Variants in SYT1 observed in about 807,000 individuals in gnomAD.
SYT1 encodes the protein synaptotagmin-1.
A neutral mutation model predicts 44.8 loss-of-function variants in SYT1; 8 were observed. The observed-to-expected ratio is 0.18, with a 90% confidence interval of 0.10 to 0.32. The LOEUF (loss-of-function observed/expected upper bound fraction) is 0.32. SYT1 is among the 10% of genes least tolerant of loss of function. The pLI is 1.00. For missense variants in SYT1, 286 were observed against 509.3 expected (o/e 0.56, Z 4.22); for synonymous variants, 154 against 188.8 (o/e 0.82, Z 1.51).
chr12:79,348,124 T>C (rs1882687732), intron 8 of SYT1, among the ~76,000 whole-genome samples: 1 of 152,132 alleles, frequency 6.6e-6, no homozygotes, highest in Non-Finnish European at 1.5e-5. Context: ...AAGGAACAGA[T>C]GTTATTCTAA....
intron 3 of SYT1, among the ~76,000 whole-genome samples, chr12:79,191,122 C>T (rs1873097397): frequency 6.6e-6 from 1 of 151,238 alleles, no homozygotes; most frequent in South Asian, 2.1e-4. Context: ...TGTATAAACT[C>T]TTTGCTCCAT....
chr12:79,064,992 GAAAGAAAA>G (rs1875725985), intron 3 of SYT1, among the ~76,000 whole-genome samples: 1 of 137,926 alleles, frequency 7.3e-6, no homozygotes, highest in African/African-American at 2.7e-5. Flanking sequence ...AAGAAAGAAA[GAAAGAAAA>G]GGAAACCTTT....
At chr12:79,161,844 T>C (rs922078991) in intron 3 of SYT1, among the ~76,000 whole-genome samples, 1 of 152,058 alleles carries the variant, frequency 6.6e-6, no homozygotes, top group Non-Finnish European at 1.5e-5. Flanking sequence ...TTATAGAGTA[T>C]AATATCAAAC....
chr12:79,178,627 T>C (rs1198631680), intron 3 of SYT1, among the ~76,000 whole-genome samples: 1 of 151,914 alleles, frequency 6.6e-6, no homozygotes. Context: ...GCTCATTTGG[T>C]GGACAGGGCT....
At chr12:78,921,118 T>C (rs1273209968) in intron 1 of SYT1, among the ~76,000 whole-genome samples, 1 of 151,992 alleles carries the variant, frequency 6.6e-6, no homozygotes, top group African/African-American at 2.4e-5. Flanking sequence ...AAAATTTTAG[T>C]ACAGTTGTAT....
At chr12:79,205,629 G>A (rs1336477952) in intron 3 of SYT1, among the ~76,000 whole-genome samples, 1 of 152,106 alleles carries the variant, frequency 6.6e-6, no homozygotes, top group Non-Finnish European at 1.5e-5. Flanking sequence ...AAAACCTTCT[G>A]ATTTTCTGTA....
intron 4 of SYT1, among the ~76,000 whole-genome samples, chr12:79,263,339 A>C (rs1355075535): frequency 6.6e-6 from 1 of 151,876 alleles, no homozygotes; most frequent in Non-Finnish European, 1.5e-5. Context: ...ACTTAATTTA[A>C]AATAAATACA....
chr12:79,415,469 G>A (rs924722099), intron 9 of SYT1, among the ~76,000 whole-genome samples: 4 of 152,156 alleles, frequency 2.6e-5, no homozygotes, highest in Admixed American at 2.0e-4. Flanking sequence ...TCAAAGAAAG[G>A]AATGTGCTGG....
chr12:79,390,637 A>G lies in SYT1; in HGVS notation c.928+37018A>G, dbSNP rs556273619. Among the ~76,000 whole-genome samples, 87 of 152,244 alleles carry G rather than the reference A, an allele frequency of 5.7e-4. 1 individual carries two copies. The highest frequency in any genetic ancestry group is 2.0e-3 in the African/African-American group (83 of 41,530). ...GAAAATGAGGGTTTAGCTCTTTTCT[A>G]TGCACACACATATTTCCAATATAGT... On this transcript the variant is annotated intron_variant, in intron 9 of 10. Coordinates refer to ENST00000261205, the MANE Select transcript of SYT1 (RefSeq NM_005639.3).
chr12:78,942,494 C>A (rs1351042478), intron 1 of SYT1, among the ~76,000 whole-genome samples: 1 of 152,138 alleles, frequency 6.6e-6, no homozygotes, highest in Non-Finnish European at 1.5e-5. Context: ...CCCTTTAAAG[C>A]CCAAATTTCC....
chr12:79,079,227 T>A (rs888252929), intron 3 of SYT1, among the ~76,000 whole-genome samples: 3 of 152,108 alleles, frequency 2.0e-5, no homozygotes, highest in Admixed American at 6.5e-5. Context: ...CGATTTCAAC[T>A]GACTTTCACC....
intron 9 of SYT1, among the ~76,000 whole-genome samples, chr12:79,390,124 G>A (rs909756015): frequency 6.6e-5 from 10 of 151,902 alleles, no homozygotes; most frequent in African/African-American, 1.7e-4. Context: ...TAATAGAGAC[G>A]GGGTTTCACT....
intron 3 of SYT1, among the ~76,000 whole-genome samples, chr12:79,191,709 T>C (rs1257820404): frequency 1.3e-5 from 2 of 152,150 alleles, no homozygotes; most frequent in African/African-American, 2.4e-5. Flanking sequence ...TCTTTTTTAT[T>C]GTCAAAAACT....
At chr12:79,428,232 T>G (rs1869562515) in intron 9 of SYT1, among the ~76,000 whole-genome samples, 1 of 152,146 alleles carries the variant, frequency 6.6e-6, no homozygotes, top group Admixed American at 6.5e-5. Flanking sequence ...CCCTTATACC[T>G]GGGAAAGAAT....
At chr12:79,421,199 GA>G (rs1869092584) in intron 9 of SYT1, among the ~76,000 whole-genome samples, 2 of 152,174 alleles carry the variant, frequency 1.3e-5, no homozygotes, top group South Asian at 4.1e-4. Flanking sequence ...TTATTTTGGG[GA>G]GGAGGAAGTA....
chr12:79,203,176 G>C (rs575481884), intron 3 of SYT1, among the ~76,000 whole-genome samples: 47 of 152,226 alleles, frequency 3.1e-4, no homozygotes, highest in African/African-American at 1.1e-3. Context: ...GAATCAAACC[G>C]TAAGGGAAAT....
intron 3 of SYT1, among the ~76,000 whole-genome samples, chr12:79,181,362 G>T (rs1178368710): frequency 6.6e-6 from 1 of 151,900 alleles, no homozygotes; most frequent in African/African-American, 2.4e-5. Flanking sequence ...GAAATCTTAG[G>T]GATTTACTTT....
intron 3 of SYT1, among the ~76,000 whole-genome samples, chr12:79,101,504 GAGA>G (rs1375092621): frequency 2.0e-5 from 3 of 152,210 alleles, no homozygotes; most frequent in Non-Finnish European, 2.9e-5. Context: ...CAAAGTTTTA[GAGA>G]AGGTGAAAAG....
Position 79,353,661 on chromosome 12 carries a change from C to G in SYT1, c.928+42C>G, listed in dbSNP as rs11609641. The stretch of plus-strand genomic sequence containing the variant: ...TATTGATTTTTTTCAAATGCTGTTT[C>G]GTCGTGGATACCAAATGCATGGCGC... On this transcript the variant is annotated intron_variant, in intron 9 of 10. Transcript: ENST00000261205. The G allele has an allele frequency of 4.6e-5, 66 of 1,439,924 alleles. 1 individual carries two copies. The highest frequency in any genetic ancestry group is 5.5e-5 in the Non-Finnish European group (56 of 1,022,474). 89.2% of individuals were successfully genotyped at this position (1,439,924 alleles called of 1,614,324 possible). A position where few individuals can be genotyped will look rare whatever the true frequency, so the allele number is the denominator to read the frequency against.
Sources: allele counts gnomAD v4.1 joint callset (sites outside exome capture counted in the v4.1 genomes callset), GRCh38; gene constraint gnomAD v4.1.1; transcripts MANE v1.5; gene names NCBI Gene and HGNC (gene_info 2026-07-23, HGNC 2026-07-21).